Variants in SARDH observed in about 807,000 individuals in gnomAD.
SARDH encodes the protein sarcosine dehydrogenase.
Under a neutral mutation model 109.1 loss-of-function variants are expected in SARDH, and 95 were observed. The ratio of observed to expected loss-of-function variants is 0.87; its 90% CI spans 0.74 to 1.03. The LOEUF is 1.03. Among genes scored for constraint, SARDH ranks in the 50% least tolerant of loss-of-function variants. The pLI is 0.00. For missense variants in SARDH, 1,267 were observed against 1,287.8 expected (o/e 0.98, Z 0.25); for synonymous variants, 572 against 534.8 (o/e 1.07, Z -0.96).
intron 6 of SARDH, among the ~76,000 whole-genome samples, chr9:133,727,822 C>G (rs1832544283): frequency 6.6e-6 from 1 of 152,166 alleles, no homozygotes; most frequent in Non-Finnish European, 1.5e-5. Context: ...GCTGCAGGGA[C>G]CTAGGCCAAC....
chr9:133,716,430 C>T (rs1255136215), intron 8 of SARDH, among the ~76,000 whole-genome samples: 1 of 152,250 alleles, frequency 6.6e-6, no homozygotes, highest in Non-Finnish European at 1.5e-5. Context: ...GTTATAAACA[C>T]TGGGGTGCCA....
intron 3 of SARDH, 74 bp downstream of exon 3, chr9:133,732,349 A>G: frequency 1.8e-6 from 1 of 551,774 alleles, no homozygotes; most frequent in Non-Finnish European, 2.8e-6. Context: ...GGGTGCACCC[A>G]CCAATATGAC....
Position 133,689,308 on chromosome 9 carries a change from G to T in SARDH, c.2069+1072C>A, listed in dbSNP as rs1276652894. The stretch of plus-strand genomic sequence containing the variant: ...CCCAGAAGCAGTGCCCTCATCTCGT[G>T]CCTCTTCCTCCTGCCCAGTCCAGCA... On this transcript the variant is annotated intron_variant, in intron 16 of 20. Transcript: ENST00000439388. 2.6e-5 allele frequency among the ~76,000 whole-genome samples: 4 copies of T among 151,766 alleles called. No homozygotes were observed. The East Asian group carries it at 7.8e-4, about 29-fold the overall frequency.
Position 133,685,204 on chromosome 9 carries a change from C to T in SARDH, c.2152G>A (p.Ala718Thr), listed in dbSNP as rs201684078. 2.1e-4 allele frequency: 331 copies of T among 1,613,690 alleles called. 3 individuals carry two copies. Among genetic ancestry groups the T allele is most frequent in the South Asian group, 8.9e-4 (81 of 91,026 alleles). Residue 718 changes from alanine to threonine, a missense_variant, in exon 17 of 21, where the codon GCA becomes ACA. By Grantham distance (58) the Ala-to-Thr change is moderately conservative. Coordinates refer to ENST00000439388, the MANE Select transcript of SARDH (RefSeq NM_001134707.2). ...PFSTHKLLRA[A>T]GHLVRAMRLS... ...CAGCTGGAACCTACCAGGTGCCCTG[C>T]GGCTCTCAGTAGCTTGTGGGTGGAG...
chr9:133,670,328 CA>C (rs5901026), intron 19 of SARDH, among the ~76,000 whole-genome samples: 56,954 of 103,240 alleles, frequency 0.55, 12,559 homozygotes, highest in East Asian at 0.72. Context: ...GACTCCGTCT[CA>C]AAAAAAAAAA....
Position 133,695,543 on chromosome 9 carries a change from C to T in SARDH, c.1807+680G>A, listed in dbSNP as rs576760061. Among the ~76,000 whole-genome samples, 10 of 152,312 alleles carry T rather than the reference C, an allele frequency of 6.6e-5. No homozygotes were observed. The South Asian group carries it at 1.2e-3, about 19-fold the overall frequency. On this transcript the variant is annotated intron_variant, in intron 14 of 20. Transcript: ENST00000439388. The stretch of plus-strand genomic sequence containing the variant: ...GCATGCCGAGGAAGGCCAAGACTCC[C>T]GGCCACCACCAGCAGCTGGAAGAGC...
At chr9:133,690,209 G>C (rs764469748) in intron 16 of SARDH, among the ~76,000 whole-genome samples, 171 bp downstream of exon 16, 41 of 152,188 alleles carry the variant, frequency 2.7e-4, no homozygotes, top group Admixed American at 2.6e-4. Context: ...CGGCTTATCT[G>C]CATTCCAGTG....
At position 133,724,906 on chromosome 9, in the gene SARDH, A is replaced by G. The variant is rs957327298; in HGVS notation, c.915+4859T>C. 4.9e-4 allele frequency among the ~76,000 whole-genome samples: 74 copies of G among 152,282 alleles called. 1 individual carries two copies. The highest frequency in any genetic ancestry group is 1.7e-3 in the African/African-American group (70 of 41,552). On this transcript the variant is annotated intron_variant, in intron 6 of 20. Transcript: ENST00000439388. ...GGTGCTCAACTTGTTTAAACTCAAG[A>G]GAAATAACAACATAGGTCCCCACAA...
intron 3 of SARDH, 135 bp from the exon 4 acceptor site, chr9:133,731,619 G>A (rs371923386): frequency 1.1e-5 from 9 of 836,330 alleles, no homozygotes; most frequent in Admixed American, 5.4e-5. Flanking sequence ...CCACGCCCCC[G>A]GAGCCTGTCC....
At position 133,738,277 on chromosome 9, in the gene SARDH, C is replaced by G. The variant is rs1001520717; in HGVS notation, c.-54G>C. The G allele has an allele frequency of 3.3e-5, 5 of 152,408 alleles. No homozygotes were observed. Among genetic ancestry groups the G allele is most frequent in the Non-Finnish European group, 7.3e-5 (5 of 68,182 alleles). 9.4% of individuals were successfully genotyped at this position (152,408 alleles called of 1,614,324 possible). On this transcript the variant is annotated 5_prime_UTR_variant, in exon 1 of 21. Transcript: ENST00000439388. ...ACCTCTTGTCAGCTGCAGTGCCCCTCGGCCCTAAGAGTGCTTGGCCCAGCA... is the reference window on the plus strand; with the variant it reads ...ACCTCTTGTCAGCTGCAGTGCCCCTGGGCCCTAAGAGTGCTTGGCCCAGCA...
intron 20 of SARDH, among the ~76,000 whole-genome samples, chr9:133,664,492 G>A (rs129927): frequency 4.6e-5 from 7 of 152,020 alleles, no homozygotes; most frequent in African/African-American, 7.2e-5. Context: ...CCCAGCAAGC[G>A]CTCGGGAGCC....
In SARDH at chr9:133,704,982, C is replaced by G. The variant is rs1277835218; in HGVS notation, c.1520G>C (p.Arg507Pro). ...CVFQERHGWE[R>P]PGWFHPRGPA... is the part of the protein sequence containing the mutation. ...GCCTCGGGGATGAAACCATCCCGGTCGCTCCCAGCCATGCCGCTCCTGGAA... is the reference window on the plus strand; with the variant it reads ...GCCTCGGGGATGAAACCATCCCGGTGGCTCCCAGCCATGCCGCTCCTGGAA... Residue 507 changes from arginine to proline, a missense_variant, in exon 12 of 21, where the codon CGA (arginine) becomes CCA (proline). Arg to Pro is a moderately radical substitution (Grantham distance 103, BLOSUM62 -2). Coordinates refer to ENST00000439388, the MANE Select transcript of SARDH (RefSeq NM_001134707.2). The surrounding 1 kb of genome is among the most constrained non-coding windows in gnomAD (Gnocchi z 4.5). 1.1e-5 allele frequency: 17 copies of G among 1,586,342 alleles called. No individual in the cohort carries two copies. Among genetic ancestry groups the G allele is most frequent in the Non-Finnish European group, 1.4e-5 (16 of 1,167,488 alleles).
chr9:133,709,953 G>C lies in SARDH; in HGVS notation c.1329-1525C>G, dbSNP rs77691748. Among the ~76,000 whole-genome samples the C allele has an allele frequency of 0.064, 9,749 of 152,286 alleles. 336 individuals carry two copies. The highest frequency in any genetic ancestry group is 0.16 in the South Asian group (786 of 4,818). On this transcript the variant is annotated intron_variant, in intron 10 of 20. Transcript: ENST00000439388. The surrounding 1 kb of genome is among the most constrained non-coding windows in gnomAD (Gnocchi z 4.2). ...CAGTGAAGGTCTGGGAGGATTCTTG[G>C]GGGCAGCAGTGAGGTGCACGTCGGG...
chr9:133,706,179 C>T (rs906170523), intron 11 of SARDH, among the ~76,000 whole-genome samples: 8 of 152,204 alleles, frequency 5.3e-5, no homozygotes, highest in South Asian at 4.1e-4. Context: ...GAGCTCTATG[C>T]GCAACCACTA....
chr9:133,671,383 G>A, intron 18 of SARDH, 152 bp downstream of exon 18: 11 of 1,025,786 alleles, frequency 1.1e-5, no homozygotes, highest in Non-Finnish European at 1.5e-5. Flanking sequence ...GTCAGGCGCT[G>A]GGGTGTAGGG....
intron 10 of SARDH, among the ~76,000 whole-genome samples, chr9:133,710,032 G>T (rs1218987874): frequency 6.6e-6 from 1 of 152,174 alleles, no homozygotes; most frequent in Non-Finnish European, 1.5e-5. Flanking sequence ...CGGCCTGTGA[G>T]CAAGTGGGCA....
intron 11 of SARDH, among the ~76,000 whole-genome samples, chr9:133,706,086 A>G (rs1158562453): frequency 6.6e-6 from 1 of 152,212 alleles, no homozygotes; most frequent in Non-Finnish European, 1.5e-5. Context: ...GATGCACCAT[A>G]CGACCCAGCA....
intron 16 of SARDH, among the ~76,000 whole-genome samples, chr9:133,689,085 C>T (rs773150894): frequency 1.3e-5 from 2 of 152,122 alleles, no homozygotes; most frequent in African/African-American, 4.8e-5. Flanking sequence ...CCAGAGGTCT[C>T]GGCAGAATCC....
chr9:133,681,917 C>G (rs73564114), intron 17 of SARDH, among the ~76,000 whole-genome samples: 6 of 151,948 alleles, frequency 3.9e-5, no homozygotes, highest in South Asian at 2.1e-4. Context: ...TCCCCTCCCC[C>G]CCATCCCACA....
Sources: gnomAD v4.1 joint callset for allele counts (sites outside exome capture counted in the v4.1 genomes callset) on GRCh38, gnomAD v4.1.1 for gene constraint, Gnocchi (gnomAD v3.1) non-coding constraint, MANE v1.5 for transcripts, NCBI Gene and HGNC (gene_info 2026-07-23, HGNC 2026-07-21) for gene names.